The following TRAK1 variants were observed in gnomAD, a reference collection of about 807,000 sequenced individuals.
TRAK1 encodes trafficking kinesin-binding protein 1.
TRAK1 carries 33 observed loss-of-function variants against 92.1 expected under a neutral mutation model. That is an observed-to-expected ratio of 0.36 (90% CI 0.27 to 0.48). The LOEUF is 0.48. TRAK1 is among the 20% of genes least tolerant of loss of function. The pLI is 0.99. For synonymous variants in TRAK1, 521 were observed against 517.3 expected, an observed-to-expected ratio of 1.01 and a Z score of -0.10; for missense variants, 1,123 against 1,257.9, an observed-to-expected ratio of 0.89 and a Z score of 1.62.
At position 42,187,686 on chromosome 3, in the gene TRAK1, C is replaced by T. The variant is rs189232772; in HGVS notation, c.481-359C>T. 9.2e-5 allele frequency among the ~76,000 whole-genome samples: 14 copies of T among 152,208 alleles called. 1 individual carries two copies. The South Asian group carries it at 2.7e-3, about 29-fold the overall frequency. On this transcript the variant is annotated intron_variant, in intron 4 of 15. Transcript: ENST00000327628. ...TTCACCATGTTGGTCAGGCTGGTCT[C>T]GAACTCCTGACTTCAGATGATCTGC... is the stretch of plus-strand genomic sequence containing the variant.
chr3:42,219,381 A>G (rs1710084212), intron 14 of TRAK1, 113 bp from the exon 15 acceptor site: 2 of 1,589,690 alleles, frequency 1.3e-6, no homozygotes, highest in Admixed American at 3.4e-5. Context: ...GCCCAGATCC[A>G]GTTAACAAGG....
intron 1 of TRAK1, among the ~76,000 whole-genome samples, chr3:42,031,529 G>GA (rs71078409): frequency 0.88 from 134,316 of 151,808 alleles, 61,560 homozygotes; most frequent in Non-Finnish European, 1. Context: ...AGCTACTATG[G>GA]GGCTGAGGGA....
chr3:42,217,936 A>C, intron 14 of TRAK1: 2 of 984,784 alleles, frequency 2.0e-6, no homozygotes, highest in Non-Finnish European at 2.4e-6. Context: ...AGATTCATAA[A>C]GGCTATTTTT....
chr3:42,091,016 C>T (rs1462805737), upstream of TRAK1: 2 of 167,698 alleles, frequency 1.2e-5, no homozygotes, highest in Non-Finnish European at 2.5e-5. Flanking sequence ...CATCTGTGGC[C>T]TCCCAGGGCT....
chr3:42,023,352 C>T (rs373105560), intron 1 of TRAK1, among the ~76,000 whole-genome samples: 11 of 151,938 alleles, frequency 7.2e-5, no homozygotes, highest in South Asian at 6.2e-4. Context: ...GTCACTAGGG[C>T]GGAAAAGAGA....
intron 2 of TRAK1, among the ~76,000 whole-genome samples, chr3:42,169,157 T>A (rs1185033382): frequency 6.6e-6 from 1 of 151,592 alleles, no homozygotes; most frequent in Non-Finnish European, 1.5e-5. Flanking sequence ...TTTTTTTTTT[T>A]AAGTGATCTA....
At chr3:42,034,030 C>G (rs998062031) in intron 1 of TRAK1, among the ~76,000 whole-genome samples, 1 of 152,190 alleles carries the variant, frequency 6.6e-6, no homozygotes, top group African/African-American at 2.4e-5. Context: ...CCTGGAGTTA[C>G]CTGTTCATCT....
upstream of TRAK1, chr3:42,087,361 C>T (rs995063308): frequency 1.3e-5 from 2 of 152,924 alleles, no homozygotes; most frequent in Non-Finnish European, 2.9e-5. Flanking sequence ...GGAAGATGCT[C>T]CCAGCTACAG....
intron 1 of TRAK1, among the ~76,000 whole-genome samples, chr3:42,106,685 A>G (rs950826880): frequency 2.6e-5 from 4 of 152,000 alleles, no homozygotes; most frequent in Non-Finnish European, 5.9e-5. Context: ...CCACATTTTG[A>G]ATTTATGTTT....
At chr3:42,165,290 A>G (rs771903422) in intron 2 of TRAK1, among the ~76,000 whole-genome samples, 2 of 152,140 alleles carry the variant, frequency 1.3e-5, no homozygotes, top group Non-Finnish European at 1.5e-5. Flanking sequence ...CACAAAGGGC[A>G]GTTTTGAGGT....
intron 1 of TRAK1, among the ~76,000 whole-genome samples, chr3:42,105,568 G>C (rs1282636611): frequency 6.6e-6 from 1 of 152,220 alleles, no homozygotes; most frequent in African/African-American, 2.4e-5. Flanking sequence ...GTGATGGGGA[G>C]AATGGAACCA....
At chr3:42,174,737 T>C (rs923672269) in intron 2 of TRAK1, among the ~76,000 whole-genome samples, 1 of 145,470 alleles carries the variant, frequency 6.9e-6, no homozygotes, top group African/African-American at 2.6e-5. Context: ...TATACAAAAA[T>C]TTTTTTTTTA....
At chr3:42,045,545 A>C (rs1053781970) in intron 1 of TRAK1, among the ~76,000 whole-genome samples, 9 of 151,946 alleles carry the variant, frequency 5.9e-5, no homozygotes, top group Middle Eastern at 3.2e-3. Flanking sequence ...AAAAAACCCC[A>C]AAAAACATAA....
chr3:42,063,558 C>T (rs757376045), intron 1 of TRAK1, among the ~76,000 whole-genome samples: 5 of 152,092 alleles, frequency 3.3e-5, no homozygotes, highest in African/African-American at 4.8e-5. Flanking sequence ...TGGTGGGACA[C>T]GCCTGTAGCC....
chr3:42,109,189 G>A (rs1708002224), intron 1 of TRAK1, among the ~76,000 whole-genome samples: 1 of 152,176 alleles, frequency 6.6e-6, no homozygotes, highest in Admixed American at 6.5e-5. Context: ...GATTAAATGA[G>A]TTAATGGATG....
chr3:42,045,625 C>T (rs187158136), intron 1 of TRAK1, among the ~76,000 whole-genome samples: 44 of 152,326 alleles, frequency 2.9e-4, no homozygotes, highest in Admixed American at 1.5e-3. Flanking sequence ...ACACCCTTTG[C>T]CTAATGCTAA....
chr3:42,063,016 A>T (rs1305970314), intron 1 of TRAK1, among the ~76,000 whole-genome samples: 1 of 152,234 alleles, frequency 6.6e-6, no homozygotes, highest in African/African-American at 2.4e-5. Flanking sequence ...AACTCAAACA[A>T]GGTCACACTG....
chr3:42,223,162 G>GCTCCCTCCT lies in TRAK1; in HGVS notation c.2287_2288insCTCCCTCCT (p.Gly763delinsAlaProSerCys). On this transcript the variant is annotated protein_altering_variant, in exon 16 of 16. Coordinates refer to ENST00000327628, the MANE Select transcript of TRAK1 (RefSeq NM_001042646.3). This position sits in a 1 kb window ranked among gnomAD's most constrained non-coding sequence, Gnocchi z 6.1. The stretch of plus-strand genomic sequence containing the variant: ...CGACCCCCAGAGCTGGGACAGGGCC[G>GCTCCCTCCT]GCCGGGGCTCCCTCCTGCACTCCTA... 6.2e-7 allele frequency: 1 copy of GCTCCCTCCT among 1,613,978 alleles called. No homozygotes were observed. The highest frequency in any genetic ancestry group is 8.5e-7 in the Non-Finnish European group (1 of 1,180,004).
At chr3:42,092,711 G>GTGT (rs1400587515) in intron 1 of TRAK1, among the ~76,000 whole-genome samples, 3 of 101,068 alleles carry the variant, frequency 3.0e-5, no homozygotes, top group Non-Finnish European at 6.8e-5. Flanking sequence ...GTGTTGTGTT[G>GTGT]TGTTATGTTA....
Sources: gnomAD v4.1 joint callset for allele counts (sites outside exome capture counted in the v4.1 genomes callset) on GRCh38, gnomAD v4.1.1 for gene constraint, Gnocchi (gnomAD v3.1) non-coding constraint, MANE v1.5 for transcripts, NCBI Gene and HGNC (gene_info 2026-07-23, HGNC 2026-07-21) for gene names.